Variants in KLHL6 observed in about 807,000 individuals in gnomAD.
KLHL6 encodes kelch-like protein 6.
KLHL6 carries 41 observed loss-of-function variants against 58.6 expected under a neutral mutation model. The ratio of observed to expected loss-of-function variants is 0.70; its 90% CI spans 0.55 to 0.91. The LOEUF is 0.91. KLHL6 is among the 40% of genes least tolerant of loss of function. The probability of loss-of-function intolerance (pLI) is 0.00; values close to 1 mark genes in which losing one functional copy is unlikely to be tolerated. For missense variants in KLHL6, 714 were observed against 805.6 expected (o/e 0.89, Z 1.38); for synonymous variants, 338 against 322.7 (o/e 1.05, Z -0.51).
At chr3:183,541,775 T>C (rs974309956) in intron 1 of KLHL6, among the ~76,000 whole-genome samples, 2 of 152,240 alleles carry the variant, frequency 1.3e-5, no homozygotes, top group African/African-American at 4.8e-5. Context: ...GGGGAACATA[T>C]TTTAATAATA....
At chr3:183,540,075 CTTCCG>C (rs933329917) in intron 1 of KLHL6, among the ~76,000 whole-genome samples, 14 of 152,208 alleles carry the variant, frequency 9.2e-5, no homozygotes, top group Non-Finnish European at 1.9e-4. Flanking sequence ...GTACTCAGAT[CTTCCG>C]TTGGGAAACA....
chr3:183,550,818 C>T (rs1167763202), intron 1 of KLHL6, among the ~76,000 whole-genome samples: 1 of 150,770 alleles, frequency 6.6e-6, no homozygotes, highest in East Asian at 2.0e-4. Context: ...TATGCGAGGC[C>T]TTAAAAATTT....
chr3:183,487,939 A>T lies in KLHL6; in HGVS notation c.*3988T>A, dbSNP rs1234037782. 5 of 152,266 alleles carry T rather than the reference A, an allele frequency of 3.3e-5. No homozygotes were observed. The highest frequency in any genetic ancestry group is 1.2e-4 in the African/African-American group (5 of 41,466). The allele number at this position is 152,266 out of a possible 1,614,324, so 9.4% of individuals were successfully genotyped here. ...GCACTTTCATTTTTCAGAATAAAAC[A>T]GGATAAGCAAATAACTCACAACAGT... On this transcript the variant is annotated 3_prime_UTR_variant, in exon 7 of 7. Transcript: ENST00000341319.
chr3:183,548,879 G>T (rs1026569572), intron 1 of KLHL6: 5 of 149,378 alleles, frequency 3.3e-5, no homozygotes, highest in Admixed American at 1.3e-4. Flanking sequence ...ATCATTCTCA[G>T]CAAACTAACA....
At chr3:183,531,634 G>C (rs1249719686) in intron 1 of KLHL6, among the ~76,000 whole-genome samples, 1 of 151,792 alleles carries the variant, frequency 6.6e-6, no homozygotes. Flanking sequence ...TTTTAGTAGA[G>C]ACGGGGTTTC....
chr3:183,493,688 G>A (rs1717634342), intron 5 of KLHL6: 2 of 213,244 alleles, frequency 9.4e-6, no homozygotes, highest in South Asian at 1.8e-4. Context: ...TTCATAAACG[G>A]TGTAGTAAAG....
chr3:183,536,571 G>A (rs555848349), intron 1 of KLHL6, among the ~76,000 whole-genome samples: 1 of 152,322 alleles, frequency 6.6e-6, no homozygotes, highest in Admixed American at 6.5e-5. Flanking sequence ...GTGAACCTCA[G>A]CTTCCTCATC....
chr3:183,547,212 C>T (rs1210976447), intron 1 of KLHL6, among the ~76,000 whole-genome samples: 2 of 152,218 alleles, frequency 1.3e-5, no homozygotes, highest in African/African-American at 4.8e-5. Flanking sequence ...TGCACCCGAC[C>T]TCAGAGTCTT....
rs533753780 is a variant in KLHL6, at chr3:183,504,674, T to C, written c.909+3385A>G. Among the ~76,000 whole-genome samples the C allele has an allele frequency of 3.3e-5, 5 of 152,318 alleles. No homozygotes were observed. The East Asian group carries it at 9.6e-4, about 29-fold the overall frequency. On this transcript the variant is annotated intron_variant, in intron 3 of 6. Transcript: ENST00000341319. ...AAGTATAGTTGATCAAGGCACAGTA[T>C]ATGTTTAAATTGTTTTAAAGTGCTA... is the stretch of plus-strand genomic sequence containing the variant.
At chr3:183,554,315 A>G (rs186115569) in intron 1 of KLHL6, among the ~76,000 whole-genome samples, 24 of 152,284 alleles carry the variant, frequency 1.6e-4, no homozygotes, top group African/African-American at 5.8e-4. Context: ...AATTCCAAGA[A>G]AGATATATTG....
Position 183,499,248 on chromosome 3 carries a change from A to C in KLHL6, c.1147+342T>G, listed in dbSNP as rs1380757502. ...GTAATCCCAGCTACTCGGGAGGGTG[A>C]GGCAGGAGGGTCACTTGAACTCGGG... On this transcript the variant is annotated intron_variant, in intron 4 of 6. Transcript: ENST00000341319. This position sits in a 1 kb window ranked among gnomAD's most constrained non-coding sequence, Gnocchi z 4.6. Among the ~76,000 whole-genome samples the C allele has an allele frequency of 6.6e-6, 1 of 152,064 alleles. No homozygotes were observed. Among genetic ancestry groups the C allele is most frequent in the Non-Finnish European group, 1.5e-5 (1 of 68,012 alleles).
intron 1 of KLHL6, among the ~76,000 whole-genome samples, chr3:183,536,849 C>T (rs1262702909): frequency 2.0e-5 from 3 of 152,202 alleles, no homozygotes; most frequent in Non-Finnish European, 4.4e-5. Context: ...TGCTGCATTG[C>T]TGTCGACCAT....
At chr3:183,505,662 A>G (rs1288126456) in intron 3 of KLHL6, among the ~76,000 whole-genome samples, 3 of 152,142 alleles carry the variant, frequency 2.0e-5, no homozygotes, top group African/African-American at 7.2e-5. Context: ...GGAAAAAAAA[A>G]AAGGGCAGAC....
At chr3:183,525,721 C>A (rs1187963035) in intron 2 of KLHL6, among the ~76,000 whole-genome samples, 3 of 152,208 alleles carry the variant, frequency 2.0e-5, no homozygotes, top group Admixed American at 6.5e-5. Flanking sequence ...TCTAATGTGA[C>A]CCCAACAATA....
At chr3:183,514,506 C>T (rs777091543) in intron 2 of KLHL6, among the ~76,000 whole-genome samples, 15 of 151,984 alleles carry the variant, frequency 9.9e-5, no homozygotes, top group Non-Finnish European at 2.1e-4. Flanking sequence ...CCAGACAAGC[C>T]CAACTCCAGA....
At chr3:183,496,808 T>C (rs1188036504) in intron 4 of KLHL6, among the ~76,000 whole-genome samples, 1 of 152,246 alleles carries the variant, frequency 6.6e-6, no homozygotes, top group African/African-American at 2.4e-5. Context: ...GTATTGCTTG[T>C]ATCATTAAAA....
At chr3:183,497,918 G>A (rs1379172725) in intron 4 of KLHL6, among the ~76,000 whole-genome samples, 6 of 152,174 alleles carry the variant, frequency 3.9e-5, no homozygotes, top group Non-Finnish European at 7.3e-5. Context: ...TTTACTTTAC[G>A]TGCTCAGTAT....
chr3:183,538,081 T>C (rs1288986379), intron 1 of KLHL6, among the ~76,000 whole-genome samples: 1 of 152,094 alleles, frequency 6.6e-6, no homozygotes, highest in Non-Finnish European at 1.5e-5. Context: ...ATCAAATATA[T>C]CTGGAGGATG....
At chr3:183,518,337 C>T (rs937214300) in intron 2 of KLHL6, among the ~76,000 whole-genome samples, 6 of 152,030 alleles carry the variant, frequency 3.9e-5, no homozygotes, top group Admixed American at 6.6e-5. Flanking sequence ...CTAGCCTGCT[C>T]GCCCACAGAG....
Sources: allele counts gnomAD v4.1 joint callset (sites outside exome capture counted in the v4.1 genomes callset), GRCh38; gene constraint gnomAD v4.1.1; non-coding constraint Gnocchi (gnomAD v3.1); transcripts MANE v1.5; gene names NCBI Gene and HGNC (gene_info 2026-07-23, HGNC 2026-07-21).